The following DIPK1B variants were observed in gnomAD, a reference collection of about 807,000 sequenced individuals.
DIPK1B encodes divergent protein kinase domain 1B, also known as family with sequence similarity 69 member B.
In DIPK1B, 17 loss-of-function variants were observed where a neutral mutation model predicts 20.7. The observed-to-expected ratio is 0.82, with a 90% CI of 0.56 to 1.23. The LOEUF (loss-of-function observed/expected upper bound fraction) is 1.23, where lower values mean the gene tolerates loss of function less well. DIPK1B is among the 50% of genes most tolerant of loss of function. DIPK1B has a pLI of 0.00. For missense variants in DIPK1B, 648 were observed against 601.8 expected (o/e 1.08, Z -0.80); for synonymous variants, 343 against 276.5 (o/e 1.24, Z -2.39).
intron 1 of DIPK1B, among the ~76,000 whole-genome samples, chr9:136,714,040 C>T (rs1007755433): frequency 1.3e-5 from 2 of 152,220 alleles, no homozygotes; most frequent in Non-Finnish European, 2.9e-5. Flanking sequence ...GCCACCTCCA[C>T]ACTCAAGCTT....
At position 136,723,841 on chromosome 9, in the gene DIPK1B, A is replaced by T; in HGVS notation, c.*67A>T. On this transcript the variant is annotated 3_prime_UTR_variant, in exon 5 of 5. Coordinates refer to ENST00000371692, the MANE Select transcript of DIPK1B (RefSeq NM_152421.4). ...AGGTGCCAGGGTCCAACCCTCCCTC[A>T]AGGAATCCTGTCAGAAGATGTGAAA... 2 of 1,434,858 alleles carry T rather than the reference A, an allele frequency of 1.4e-6. No individual in the cohort carries two copies. The highest frequency in any genetic ancestry group is 1.9e-6 in the Non-Finnish European group (2 of 1,072,468). The allele number at this position is 1,434,858 out of a possible 1,614,324, so 88.9% of individuals were successfully genotyped here. A position where few individuals can be genotyped will look rare whatever the true frequency, so the allele number is the denominator to read the frequency against.
chr9:136,721,720 G>A (rs935356836), intron 2 of DIPK1B: 5 of 581,142 alleles, frequency 8.6e-6, no homozygotes, highest in Admixed American at 3.0e-5. Context: ...GAGGGTTGGC[G>A]GGGCTGCCCC....
intron 1 of DIPK1B, among the ~76,000 whole-genome samples, chr9:136,713,149 G>A (rs1340417996): frequency 2.0e-5 from 3 of 152,192 alleles, no homozygotes; most frequent in Non-Finnish European, 4.4e-5. Context: ...GCCAGCCGTA[G>A]CGCGGGGACC....
Position 136,723,883 on chromosome 9 carries a change from A to C in DIPK1B, c.*109A>C. ...GATGTGAAATGCAACTGTGTTGCAA[A>C]ATCACTCCCCTACCGTCAGGGCTCT... On this transcript the variant is annotated 3_prime_UTR_variant, in exon 5 of 5. Transcript: ENST00000371692. 1 of 1,132,600 alleles carries C rather than the reference A, an allele frequency of 8.8e-7. No homozygotes were observed. The highest frequency in any genetic ancestry group is 1.2e-6 in the Non-Finnish European group (1 of 811,254). 70.2% of individuals were successfully genotyped at this position (1,132,600 alleles called of 1,614,324 possible). A position where few individuals can be genotyped will look rare whatever the true frequency, so the allele number is the denominator to read the frequency against.
chr9:136,717,224 C>T (rs1383665125), intron 1 of DIPK1B, among the ~76,000 whole-genome samples: 6 of 149,458 alleles, frequency 4.0e-5, no homozygotes, highest in Non-Finnish European at 8.9e-5. Context: ...GTAAGACTCC[C>T]TCTCAAAAAA....
At chr9:136,713,625 C>A (rs1846456774) in intron 1 of DIPK1B, among the ~76,000 whole-genome samples, 1 of 152,212 alleles carries the variant, frequency 6.6e-6, no homozygotes, top group Admixed American at 6.5e-5. Flanking sequence ...GCTAAGGGGT[C>A]TGAGGACCAC....
In DIPK1B at chr9:136,712,840, T is replaced by C. The variant is rs1588278919; in HGVS notation, c.63+112T>C. 1.6e-6 allele frequency: 1 copy of C among 626,618 alleles called. No individual in the cohort carries two copies. Among genetic ancestry groups the C allele is most frequent in the Non-Finnish European group, 2.2e-6 (1 of 454,552 alleles). The allele number at this position is 626,618 out of a possible 1,614,324, so 38.8% of individuals were successfully genotyped here. A position where few individuals can be genotyped will look rare whatever the true frequency, so the allele number is the denominator to read the frequency against. Reference sequence around the variant, plus strand: ...GGGCCCCGGGTTCGGACACGAAGGGTTCATGAGCCCGGGGTGGGCAGCGGG... The same window carrying C: ...GGGCCCCGGGTTCGGACACGAAGGGCTCATGAGCCCGGGGTGGGCAGCGGG... On this transcript the variant is annotated intron_variant, in intron 1 of 4. Coordinates refer to ENST00000371692, the MANE Select transcript of DIPK1B (RefSeq NM_152421.4). The surrounding 1 kb of genome is among the most constrained non-coding windows in gnomAD (Gnocchi z 5.6).
intron 2 of DIPK1B, among the ~76,000 whole-genome samples, chr9:136,720,661 G>A (rs544668352): frequency 7.2e-5 from 11 of 152,322 alleles, no homozygotes; most frequent in East Asian, 1.9e-4. Flanking sequence ...CTGTGGGACA[G>A]GGAAGGACAG....
intron 2 of DIPK1B, among the ~76,000 whole-genome samples, chr9:136,720,710 C>A (rs4880135): frequency 0.58 from 87,606 of 152,124 alleles, 25,836 homozygotes; most frequent in East Asian, 0.73. Flanking sequence ...TCCGTTTTCT[C>A]AGCCTTGACA....
At position 136,722,880 on chromosome 9, in the gene DIPK1B, C is replaced by T. The variant is rs1564311050; in HGVS notation, c.484-82C>T. 3 of 1,410,788 alleles carry T rather than the reference C, an allele frequency of 2.1e-6. No homozygotes were observed. The East Asian group carries it at 7.4e-5, about 35-fold the overall frequency. 87.4% of individuals were successfully genotyped at this position (1,410,788 alleles called of 1,614,324 possible). A position where few individuals can be genotyped will look rare whatever the true frequency, so the allele number is the denominator to read the frequency against. On this transcript the variant is annotated intron_variant, in intron 4 of 4. Coordinates refer to ENST00000371692, the MANE Select transcript of DIPK1B (RefSeq NM_152421.4). ...TGGTCTGGCCGGCAGACCACCCCGC[C>T]AGGAGGACCAGGTAAAGGCCAGGTC...
chr9:136,714,576 C>T (rs947504049), intron 1 of DIPK1B, among the ~76,000 whole-genome samples: 1 of 152,240 alleles, frequency 6.6e-6, no homozygotes, highest in African/African-American at 2.4e-5. Flanking sequence ...ACGTTCACCC[C>T]AGACGGAGCC....
chr9:136,712,648 C>A lies in DIPK1B; in HGVS notation c.-18C>A. ...CGAGCGAGCCGCGGGGCCCGCGCAG[C>A]CCCGGCCGGAGCCCACCATGCGGCG... On this transcript the variant is annotated 5_prime_UTR_variant, in exon 1 of 5. Transcript: ENST00000371692. This position sits in a 1 kb window ranked among gnomAD's most constrained non-coding sequence, Gnocchi z 5.6. The A allele has an allele frequency of 8.2e-7, 1 of 1,212,274 alleles. No individual in the cohort carries two copies. Among genetic ancestry groups the A allele is most frequent in the Non-Finnish European group, 1.0e-6 (1 of 973,260 alleles). 75.1% of individuals were successfully genotyped at this position (1,212,274 alleles called of 1,614,324 possible). A position where few individuals can be genotyped will look rare whatever the true frequency, so the allele number is the denominator to read the frequency against.
At position 136,723,942 on chromosome 9, in the gene DIPK1B, C is replaced by G. The variant is rs538048410; in HGVS notation, c.*168C>G. ...GCACCACAGACATGAGACCCCAGCT[C>G]GGAGCAAAGGCGGACATGGACATCC... On this transcript the variant is annotated 3_prime_UTR_variant, in exon 5 of 5. Coordinates refer to ENST00000371692, the MANE Select transcript of DIPK1B (RefSeq NM_152421.4). The G allele has an allele frequency of 3.1e-4, 218 of 707,464 alleles. No homozygotes were observed. The African/African-American group carries it at 3.5e-3, about 11-fold the overall frequency. 43.8% of individuals were successfully genotyped at this position (707,464 alleles called of 1,614,324 possible). A position where few individuals can be genotyped will look rare whatever the true frequency, so the allele number is the denominator to read the frequency against.
At chr9:136,714,901 T>G (rs114292988) in intron 1 of DIPK1B, among the ~76,000 whole-genome samples, 1 of 152,188 alleles carries the variant, frequency 6.6e-6, no homozygotes, top group East Asian at 1.9e-4. Context: ...CCACCCATCC[T>G]GAAAGAACCA....
rs1846444889 is a variant in DIPK1B at position 136,712,775 on chromosome 9, AGGCCGAGCTCCAGCCCCGGAGTG to A, written c.63+55_63+77del. 2 of 1,264,444 alleles carry A rather than the reference AGGCCGAGCTCCAGCCCCGGAGTG, an allele frequency of 1.6e-6. No homozygotes were observed. Among genetic ancestry groups the A allele is most frequent in the South Asian group, 4.7e-5 (2 of 42,618 alleles). The allele number at this position is 1,264,444 out of a possible 1,614,324, so 78.3% of individuals were successfully genotyped here. A position where few individuals can be genotyped will look rare whatever the true frequency, so the allele number is the denominator to read the frequency against. On this transcript the variant is annotated intron_variant, in intron 1 of 4. Transcript: ENST00000371692. The surrounding 1 kb of genome is among the most constrained non-coding windows in gnomAD (Gnocchi z 5.6). ...CGCCCCCGGCCGCCTCTGCCTGGGG[AGGCCGAGCTCCAGCCCCGGAGTG>A]GGCCGAGTACGGAGCGGGGCCCCGG...
Position 136,723,159 on chromosome 9 carries a change from C to T in DIPK1B, c.681C>T (p.Asp227=), listed in dbSNP as rs1487019093. The T allele has an allele frequency of 6.2e-7, 1 of 1,613,340 alleles. No homozygotes were observed. Among genetic ancestry groups the T allele is most frequent in the East Asian group, 2.2e-5 (1 of 44,874 alleles). The change falls in exon 5 of 5, where the codon GAC becomes GAT. Residue 227 remains aspartate, a synonymous_variant. Transcript: ENST00000371692. The part of the protein sequence containing the change: ...HASRLLGYCG[D]LYLTEGVPHG... Reference sequence around the variant, plus strand: ...CCAGACTGCTGGGCTACTGTGGGGACCTCTACCTCACCGAGGGCGTGCCGC... The same window carrying T: ...CCAGACTGCTGGGCTACTGTGGGGATCTCTACCTCACCGAGGGCGTGCCGC...
rs1041346492 is a variant in DIPK1B at position 136,724,132 on chromosome 9, G to A, written c.*358G>A. 26 of 274,824 alleles carry A rather than the reference G, an allele frequency of 9.5e-5. No homozygotes were observed. The highest frequency in any genetic ancestry group is 1.8e-4 in the Non-Finnish European group (25 of 142,392). The allele number at this position is 274,824 out of a possible 1,614,324, so 17.0% of individuals were successfully genotyped here. On this transcript the variant is annotated 3_prime_UTR_variant, in exon 5 of 5. Coordinates refer to ENST00000371692, the MANE Select transcript of DIPK1B (RefSeq NM_152421.4). ...ACCCAGCCCAGGCACTCAGGCTGGGGTTGAGCCCCTGAATCCTTCCTGGCG... is the reference window on the plus strand; with the variant it reads ...ACCCAGCCCAGGCACTCAGGCTGGGATTGAGCCCCTGAATCCTTCCTGGCG...
intron 2 of DIPK1B, among the ~76,000 whole-genome samples, chr9:136,719,590 G>A (rs1846558148): frequency 6.6e-6 from 1 of 152,238 alleles, no homozygotes; most frequent in Admixed American, 6.5e-5. Flanking sequence ...AACAGGCTGG[G>A]CGGTGAGGGG....
rs1324457207 is a variant in DIPK1B at position 136,712,688 on chromosome 9, C to T, written c.23C>T (p.Ala8Val). Residue 8 changes from alanine (A) to valine (V), a missense_variant, in exon 1 of 5, where the codon GCG becomes GTG. By Grantham distance (64) the Ala-to-Val change is moderately conservative. Coordinates refer to ENST00000371692, the MANE Select transcript of DIPK1B (RefSeq NM_152421.4). This position sits in a 1 kb window ranked among gnomAD's most constrained non-coding sequence, Gnocchi z 5.6. MRRLRRL[A>V]HLVLFCPFSK... is the part of the protein sequence containing the mutation. Reference sequence around the variant, plus strand: ...ACCATGCGGCGGCTGCGGCGCCTGGCGCACCTGGTGCTCTTCTGCCCCTTC... The same window carrying T: ...ACCATGCGGCGGCTGCGGCGCCTGGTGCACCTGGTGCTCTTCTGCCCCTTC... The T allele has an allele frequency of 1.5e-6, 2 of 1,327,910 alleles. No homozygotes were observed. The highest frequency in any genetic ancestry group is 1.9e-5 in the South Asian group (1 of 52,222). 82.3% of individuals were successfully genotyped at this position (1,327,910 alleles called of 1,614,324 possible). A position where few individuals can be genotyped will look rare whatever the true frequency, so the allele number is the denominator to read the frequency against.
Sources: gnomAD v4.1 joint callset for allele counts (sites outside exome capture counted in the v4.1 genomes callset) on GRCh38, gnomAD v4.1.1 for gene constraint, Gnocchi (gnomAD v3.1) non-coding constraint, MANE v1.5 for transcripts, NCBI Gene and HGNC (gene_info 2026-07-23, HGNC 2026-07-21) for gene names.